Variants in ARPC5L observed in about 807,000 individuals in gnomAD.
ARPC5L encodes the protein actin-related protein 2/3 complex subunit 5-like protein.
In ARPC5L, 4 loss-of-function variants were observed where a neutral mutation model predicts 16.9. The observed-to-expected ratio is 0.24, with a 90% CI of 0.12 to 0.54. The LOEUF is 0.54. ARPC5L is among the 20% of genes least tolerant of loss of function. The pLI, the probability that ARPC5L is intolerant of heterozygous loss-of-function variation, is 0.95. For synonymous variants in ARPC5L, 78 were observed against 82.6 expected (o/e 0.94, Z 0.30); for missense variants, 151 against 201.9 (o/e 0.75, Z 1.53).
intron 2 of ARPC5L, among the ~76,000 whole-genome samples, chr9:124,866,623 A>G (rs1829273969): frequency 6.6e-6 from 1 of 152,074 alleles, no homozygotes; most frequent in Admixed American, 6.6e-5. Context: ...CGGGAGGCTG[A>G]GGCAGAATTG....
chr9:124,875,255 G>C (rs543886228), intron 5 of ARPC5L, 104 bp downstream of exon 5: 11 of 1,328,242 alleles, frequency 8.3e-6, no homozygotes, highest in Non-Finnish European at 1.0e-5. Context: ...TCTGATAGGC[G>C]TGTGGGGTCA....
Position 124,876,792 on chromosome 9 carries a change from G to A in ARPC5L, c.400-86G>A, listed in dbSNP as rs531416044. 18 of 1,069,112 alleles carry A rather than the reference G, an allele frequency of 1.7e-5. No individual in the cohort carries two copies. The African/African-American group carries it at 2.3e-4, about 13-fold the overall frequency. The allele number at this position is 1,069,112 out of a possible 1,614,324, so 66.2% of individuals were successfully genotyped here. On this transcript the variant is annotated intron_variant, in intron 5 of 5. Coordinates refer to ENST00000353214, the MANE Select transcript of ARPC5L (RefSeq NM_030978.3). ...GGATCTGTGACGGGATCTAGGTCAG[G>A]GAATGTCCCCCCTGTCTCTGGCAAG...
intron 4 of ARPC5L, 21 bp from the exon 5 acceptor site, chr9:124,874,954 C>T: frequency 6.2e-7 from 1 of 1,613,152 alleles, no homozygotes; most frequent in Non-Finnish European, 8.5e-7. Flanking sequence ...CTGGGACTCA[C>T]TTGCTCTTTT....
chr9:124,876,331 A>G (rs1242941346), intron 5 of ARPC5L, among the ~76,000 whole-genome samples: 1 of 152,162 alleles, frequency 6.6e-6, no homozygotes, highest in Non-Finnish European at 1.5e-5. Context: ...TACTAAAAAT[A>G]CAAAAATTAG....
At position 124,869,114 on chromosome 9, in the gene ARPC5L, G is replaced by A; in HGVS notation, c.-177G>A. 2.8e-6 allele frequency: 2 copies of A among 723,122 alleles called. No individual in the cohort carries two copies. The highest frequency in any genetic ancestry group is 3.9e-6 in the Non-Finnish European group (2 of 518,024). The allele number at this position is 723,122 out of a possible 1,614,324, so 44.8% of individuals were successfully genotyped here. On this transcript the variant is annotated 5_prime_UTR_variant, in exon 3 of 6. Transcript: ENST00000353214. Reference sequence around the variant, plus strand: ...CGCCCCGCCCCTGACGGCGCTTCCGGATCCGGCGGGTGCCGGAAGTGGGCG... The same window carrying A: ...CGCCCCGCCCCTGACGGCGCTTCCGAATCCGGCGGGTGCCGGAAGTGGGCG...
At chr9:124,868,217 A>T (rs1169149752) in intron 2 of ARPC5L, among the ~76,000 whole-genome samples, 3 of 152,240 alleles carry the variant, frequency 2.0e-5, no homozygotes, top group Non-Finnish European at 4.4e-5. Flanking sequence ...TATTCGAAGC[A>T]GCAAAAATGA....
chr9:124,865,743 A>C (rs1486038906), intron 2 of ARPC5L, among the ~76,000 whole-genome samples: 1 of 151,992 alleles, frequency 6.6e-6, no homozygotes, highest in Non-Finnish European at 1.5e-5. Flanking sequence ...CAGTGAGCCA[A>C]GATTGCGCCA....
chr9:124,871,211 G>T (rs920495350), intron 3 of ARPC5L, among the ~76,000 whole-genome samples: 1 of 152,208 alleles, frequency 6.6e-6, no homozygotes, highest in African/African-American at 2.4e-5. Flanking sequence ...ATAGGGAAGT[G>T]TGTGTGGCAG....
chr9:124,863,049 G>A lies in ARPC5L; in HGVS notation c.-984+651G>A, dbSNP rs141036244. Among the ~76,000 whole-genome samples, 1,309 of 151,838 alleles carry A rather than the reference G, an allele frequency of 8.6e-3. 51 individuals carry two copies. Among genetic ancestry groups the A allele is most frequent in the Admixed American group, 0.066 (1,009 of 15,250 alleles). ...TTTTTGTAGAGCTGTTGCCCAGGGT[G>A]GTCTCCTGGGCTCAAGCAATCCGCC... On this transcript the variant is annotated intron_variant, in intron 1 of 5. Transcript: ENST00000353214.
In ARPC5L at chr9:124,873,706, G is replaced by A. The variant is rs144181715; in HGVS notation, c.164G>A (p.Arg55Gln). The A allele has an allele frequency of 1.6e-5, 26 of 1,613,978 alleles. No homozygotes were observed. The highest frequency in any genetic ancestry group is 1.2e-4 in the African/African-American group (9 of 74,876). The change falls in exon 4 of 6, where the codon CGG (arginine) becomes CAG (glutamine). Residue 55 changes from arginine (R) to glutamine (Q), a missense_variant. Coordinates refer to ENST00000353214, the MANE Select transcript of ARPC5L (RefSeq NM_030978.3). ...DGLLRQGDML[R>Q]AFHAALRNSP... is the part of the protein sequence containing the mutation. ...TGGTGATGCACAGGGGACATGCTTC[G>A]GGCATTCCATGCAGCCTTGCGGAAC...
chr9:124,867,664 C>T (rs544162224), intron 2 of ARPC5L, among the ~76,000 whole-genome samples: 3 of 152,222 alleles, frequency 2.0e-5, no homozygotes, highest in Non-Finnish European at 4.4e-5. Context: ...GGTTCAAGTT[C>T]CTTCTGACCA....
In ARPC5L at chr9:124,864,851, A is replaced by G. The variant is rs377331873; in HGVS notation, c.-864+744A>G. On this transcript the variant is annotated intron_variant, in intron 2 of 5. Coordinates refer to ENST00000353214, the MANE Select transcript of ARPC5L (RefSeq NM_030978.3). ...AGACTGAGTTTCATTCTTGTTGCCC[A>G]GGCTGGAGTGCAATGGCACAATCTC... 5.5e-3 allele frequency among the ~76,000 whole-genome samples: 834 copies of G among 150,660 alleles called. 6 individuals are homozygous for G. The highest frequency in any genetic ancestry group is 0.019 in the African/African-American group (787 of 41,004).
intron 2 of ARPC5L, among the ~76,000 whole-genome samples, chr9:124,866,000 G>C (rs1459269965): frequency 6.6e-6 from 1 of 152,128 alleles, no homozygotes; most frequent in African/African-American, 2.4e-5. Flanking sequence ...AGCTACTTGG[G>C]AGGCTGAGGC....
chr9:124,869,438 C>T lies in ARPC5L; in HGVS notation c.148C>T (p.Gln50Ter). 6.8e-7 allele frequency: 1 copy of T among 1,472,132 alleles called. No individual in the cohort carries two copies. The highest frequency in any genetic ancestry group is 9.0e-7 in the Non-Finnish European group (1 of 1,112,478). The allele number at this position is 1,472,132 out of a possible 1,614,324, so 91.2% of individuals were successfully genotyped here. The change falls in exon 3 of 6, where the codon CAA becomes TAA. Residue 50 changes from glutamine to a stop codon, truncating the protein, a stop_gained and splice_region_variant. Transcript: ENST00000353214. LOFTEE classifies it high-confidence loss of function. ...DPSEVDGLLRQGDMLRAFHAA... is the reference protein window; with the variant it reads ...DPSEVDGLLR ...GAGCGAGGTGGACGGGCTCCTGCGG[C>T]AATATCCTTCCCTGACGCGGCGTCC... is the stretch of plus-strand genomic sequence containing the variant.
At chr9:124,866,112 C>A (rs1279262164) in intron 2 of ARPC5L, among the ~76,000 whole-genome samples, 2 of 147,506 alleles carry the variant, frequency 1.4e-5, no homozygotes, top group African/African-American at 2.5e-5. Flanking sequence ...CTTAAAAAAA[C>A]AAAAAAACAG....
intron 2 of ARPC5L, among the ~76,000 whole-genome samples, chr9:124,865,369 T>C (rs912137398): frequency 8.6e-5 from 13 of 150,628 alleles, no homozygotes; most frequent in Middle Eastern, 3.2e-3. Context: ...GCCTTTGCTG[T>C]TATATTTTTA....
Position 124,875,120 on chromosome 9 carries a change from G to A in ARPC5L, c.368G>A (p.Ser123Asn). The change falls in exon 5 of 6, where the codon AGC becomes AAC. Residue 123 changes from serine to asparagine, a missense_variant. Ser to Asn is a conservative substitution (Grantham distance 46). Transcript: ENST00000353214. ...GGCTTTGAGAAGCCCACAGAAAATA[G>A]CAGCGCAGTGTTACTCCAGTGGCAC... ...YKGFEKPTEN[S>N]SAVLLQWHEK... 6.2e-7 allele frequency: 1 copy of A among 1,614,120 alleles called. No individual in the cohort carries two copies.
intron 3 of ARPC5L, chr9:124,873,415 A>G: frequency 2.0e-6 from 1 of 494,596 alleles, no homozygotes; most frequent in Middle Eastern, 5.6e-4. Context: ...GCAAGTGAGC[A>G]CAATCCAATT....
At chr9:124,874,308 A>G (rs1829401879) in intron 4 of ARPC5L, among the ~76,000 whole-genome samples, 1 of 152,164 alleles carries the variant, frequency 6.6e-6, no homozygotes, top group Non-Finnish European at 1.5e-5. Flanking sequence ...GTGTGAACAC[A>G]AGAGGGACGC....
Sources: gnomAD v4.1 joint callset for allele counts (sites outside exome capture counted in the v4.1 genomes callset) on GRCh38, gnomAD v4.1.1 for gene constraint, MANE v1.5 for transcripts, NCBI Gene and HGNC (gene_info 2026-07-23, HGNC 2026-07-21) for gene names.